The following COL25A1 variants were observed in gnomAD, a reference collection of about 807,000 sequenced individuals.
COL25A1 encodes collagen type XXV alpha 1 chain.
A neutral mutation model predicts 128.4 loss-of-function variants in COL25A1; 103 were observed. The ratio of observed to expected loss-of-function variants is 0.80; its 90% CI spans 0.68 to 0.94. The LOEUF (loss-of-function observed/expected upper bound fraction) is 0.94. Among genes scored for constraint, COL25A1 ranks in the 40% least tolerant of loss-of-function variants. The probability of loss-of-function intolerance (pLI) is 0.00; values close to 1 mark genes in which losing one functional copy is unlikely to be tolerated. For synonymous variants in COL25A1, 279 were observed against 277.2 expected, an observed-to-expected ratio of 1.01 and a Z score of -0.06; for missense variants, 745 against 840.0, an observed-to-expected ratio of 0.89 and a Z score of 1.40.
chr4:109,132,443 TG>T (rs1202016159), intron 3 of COL25A1, among the ~76,000 whole-genome samples: 1 of 152,192 alleles, frequency 6.6e-6, no homozygotes, highest in African/African-American at 2.4e-5. Context: ...ATCTCAGATT[TG>T]CTTTTATTCA....
chr4:109,270,435 CAGAG>C (rs1782116342), intron 3 of COL25A1, among the ~76,000 whole-genome samples: 1 of 152,160 alleles, frequency 6.6e-6, no homozygotes, highest in Admixed American at 6.5e-5. Flanking sequence ...AGCAGACAAA[CAGAG>C]AGCCAAATCA....
chr4:109,245,671 A>G (rs1780208761), intron 3 of COL25A1, among the ~76,000 whole-genome samples: 1 of 152,186 alleles, frequency 6.6e-6, no homozygotes, highest in South Asian at 2.1e-4. Flanking sequence ...GGTATCAGCT[A>G]AAAACAAACA....
intron 11 of COL25A1, among the ~76,000 whole-genome samples, chr4:108,930,118 T>C (rs1486472423): frequency 6.6e-6 from 1 of 151,880 alleles, no homozygotes; most frequent in East Asian, 1.9e-4. Context: ...AGTGTGAAAG[T>C]GTATGCATGT....
intron 3 of COL25A1, among the ~76,000 whole-genome samples, chr4:109,250,369 T>TACACACACACATAC (rs1780564105): frequency 7.4e-6 from 1 of 134,960 alleles, no homozygotes; most frequent in African/African-American, 3.0e-5. Context: ...AAGTAGGAGA[T>TACACACACACATAC]ACACACACAC....
chr4:109,076,535 G>T (rs1763392413), intron 3 of COL25A1, among the ~76,000 whole-genome samples: 1 of 152,136 alleles, frequency 6.6e-6, no homozygotes, highest in East Asian at 1.9e-4. Context: ...CAGTAGAGCA[G>T]TGGTCCCAAC....
At chr4:109,186,203 A>C (rs933380714) in intron 3 of COL25A1, among the ~76,000 whole-genome samples, 1 of 152,158 alleles carries the variant, frequency 6.6e-6, no homozygotes, top group Non-Finnish European at 1.5e-5. Flanking sequence ...TGCTTTAGAG[A>C]AACGACTCCA....
chr4:109,189,758 T>C (rs1416933222), intron 3 of COL25A1, among the ~76,000 whole-genome samples: 2 of 152,088 alleles, frequency 1.3e-5, no homozygotes, highest in Non-Finnish European at 2.9e-5. Context: ...GTCAAGCACT[T>C]TTCCTGTATT....
intron 3 of COL25A1, among the ~76,000 whole-genome samples, chr4:109,127,635 T>C (rs907922886): frequency 2.0e-5 from 3 of 152,012 alleles, no homozygotes; most frequent in African/African-American, 7.2e-5. Flanking sequence ...GCCAAACAAG[T>C]TACTTTCTGA....
chr4:108,819,150 A>G (rs1731528990), intron 36 of COL25A1, 102 bp downstream of exon 36: 1 of 815,868 alleles, frequency 1.2e-6, no homozygotes, highest in East Asian at 2.6e-5. Flanking sequence ...TGTGTTTATC[A>G]TGTAAAGCTT....
chr4:109,146,245 G>A (rs867516197), intron 3 of COL25A1, among the ~76,000 whole-genome samples: 6 of 152,098 alleles, frequency 3.9e-5, no homozygotes, highest in Middle Eastern at 3.4e-3. Context: ...ATTTTGAGAC[G>A]CTCTCATTAA....
chr4:109,083,443 A>AAC (rs1479772909), intron 3 of COL25A1, among the ~76,000 whole-genome samples: 2 of 126,280 alleles, frequency 1.6e-5, no homozygotes, highest in Non-Finnish European at 3.2e-5. Context: ...TTTTACACTA[A>AAC]ATAAATTTTT....
intron 5 of COL25A1, among the ~76,000 whole-genome samples, chr4:109,026,137 T>A (rs201321573): frequency 8.2e-6 from 1 of 122,540 alleles, no homozygotes; most frequent in Middle Eastern, 3.6e-3. Flanking sequence ...CACACACACA[T>A]ATACTCTTAA....
At chr4:108,999,476 G>C (rs1452436580) in intron 6 of COL25A1, among the ~76,000 whole-genome samples, 1 of 152,216 alleles carries the variant, frequency 6.6e-6, no homozygotes, top group East Asian at 1.9e-4. Flanking sequence ...ACAGATTCTG[G>C]AGAGGATGTA....
intron 24 of COL25A1, 101 bp downstream of exon 24, chr4:108,859,555 C>T: frequency 1.1e-6 from 1 of 889,320 alleles, no homozygotes; most frequent in Non-Finnish European, 1.7e-6. Flanking sequence ...CAGTGGAGTC[C>T]TCTGAGGATA....
intron 5 of COL25A1, among the ~76,000 whole-genome samples, chr4:109,043,212 T>G (rs886239240): frequency 2.0e-5 from 3 of 152,086 alleles, no homozygotes; most frequent in Non-Finnish European, 4.4e-5. Context: ...TGCTATAAAT[T>G]GTAGTTATTA....
intron 27 of COL25A1, among the ~76,000 whole-genome samples, chr4:108,847,284 A>G (rs538416353): frequency 1.5e-4 from 23 of 152,262 alleles, no homozygotes; most frequent in African/African-American, 4.3e-4. Flanking sequence ...TCAATATACT[A>G]ATGGCTCATT....
intron 8 of COL25A1, among the ~76,000 whole-genome samples, chr4:108,970,298 T>C (rs1354534072): frequency 6.6e-6 from 1 of 152,196 alleles, no homozygotes; most frequent in East Asian, 1.9e-4. Flanking sequence ...GGCTCTCTAA[T>C]GCCTACCACG....
At chr4:108,954,029 T>A (rs1324177005) in intron 8 of COL25A1, among the ~76,000 whole-genome samples, 1 of 152,184 alleles carries the variant, frequency 6.6e-6, no homozygotes, top group Non-Finnish European at 1.5e-5. Flanking sequence ...AAAATATGAT[T>A]GTTATACACT....
intron 30 of COL25A1, among the ~76,000 whole-genome samples, chr4:108,842,922 A>G (rs779671458): frequency 6.6e-6 from 1 of 152,138 alleles, no homozygotes; most frequent in Admixed American, 6.6e-5. Context: ...AAGCGGGTGC[A>G]TCACTTGGGC....
Sources: gnomAD v4.1 joint callset for allele counts (sites outside exome capture counted in the v4.1 genomes callset) on GRCh38, gnomAD v4.1.1 for gene constraint, MANE v1.5 for transcripts, NCBI Gene and HGNC (gene_info 2026-07-23, HGNC 2026-07-21) for gene names.